LRRC4C: variants seen among roughly 807,000 people sequenced by gnomAD.
The protein encoded by LRRC4C is leucine rich repeat containing 4C.
Under a neutral mutation model 33.6 loss-of-function variants are expected in LRRC4C, and 5 were observed. That is an observed-to-expected ratio of 0.15 (90% CI 0.08 to 0.31). The LOEUF is 0.31. Ranked by LOEUF, LRRC4C falls within the 10% of genes least tolerant of loss-of-function variation. The pLI, the probability that LRRC4C is intolerant of heterozygous loss-of-function variation, is 1.00. For missense variants in LRRC4C, 560 were observed against 796.7 expected, an observed-to-expected ratio of 0.70 and a Z score of 3.58; for synonymous variants, 329 against 302.0, an observed-to-expected ratio of 1.09 and a Z score of -0.93.
intron 3 of LRRC4C, among the ~76,000 whole-genome samples, chr11:40,494,264 A>C (rs960196285): frequency 1.1e-4 from 17 of 152,172 alleles, no homozygotes; most frequent in Admixed American, 1.3e-4. Context: ...GACAGTACTC[A>C]AACTGAAAAA....
intron 1 of LRRC4C, among the ~76,000 whole-genome samples, chr11:40,946,246 G>A (rs1246404466): frequency 6.6e-5 from 10 of 152,110 alleles, no homozygotes; most frequent in South Asian, 4.1e-4. Flanking sequence ...CTGCATTCAC[G>A]TGGCTGCAAA....
At chr11:40,825,640 G>C (rs1952129301) in intron 2 of LRRC4C, among the ~76,000 whole-genome samples, 1 of 151,954 alleles carries the variant, frequency 6.6e-6, no homozygotes, top group African/African-American at 2.4e-5. Context: ...TACATAGCTG[G>C]TTTGGACCTG....
intron 2 of LRRC4C, among the ~76,000 whole-genome samples, chr11:40,903,129 C>T (rs1212228741): frequency 6.6e-6 from 1 of 152,118 alleles, no homozygotes; most frequent in Non-Finnish European, 1.5e-5. Context: ...GCTAATGCAG[C>T]TGGTGTCTCT....
intron 1 of LRRC4C, among the ~76,000 whole-genome samples, chr11:41,357,032 T>G (rs984626604): frequency 6.6e-6 from 1 of 151,960 alleles, no homozygotes; most frequent in African/African-American, 2.4e-5. Context: ...TTGTTTACCT[T>G]GTTTAACCCA....
chr11:41,282,251 C>T (rs1446026823), intron 1 of LRRC4C, among the ~76,000 whole-genome samples: 1 of 152,140 alleles, frequency 6.6e-6, no homozygotes, highest in Non-Finnish European at 1.5e-5. Flanking sequence ...AAGTGGAAAA[C>T]CAGAGTTATT....
chr11:41,245,733 G>A (rs531815914), intron 1 of LRRC4C, among the ~76,000 whole-genome samples: 3 of 152,340 alleles, frequency 2.0e-5, no homozygotes, highest in Admixed American at 6.5e-5. Context: ...CCATTTGGCA[G>A]GTACTGAGTT....
intron 1 of LRRC4C, among the ~76,000 whole-genome samples, chr11:41,284,682 A>C (rs1949769515): frequency 6.6e-6 from 1 of 152,186 alleles, no homozygotes; most frequent in African/African-American, 2.4e-5. Context: ...TCTTACAATC[A>C]ATCAGTCAAT....
At chr11:40,943,021 C>A (rs1329362060) in intron 1 of LRRC4C, among the ~76,000 whole-genome samples, 1 of 152,122 alleles carries the variant, frequency 6.6e-6, no homozygotes, top group Non-Finnish European at 1.5e-5. Context: ...AGACATAAAC[C>A]TACTTTTCTA....
Position 41,411,142 on chromosome 11 carries a change from A to ATTTTTTTTT in LRRC4C, c.-496+48280_-496+48288dup, listed in dbSNP as rs370574515. ...ATGAGAAACACTTGGTTGGTACCCT[A>ATTTTTTTTT]TTTTTTTTTTTTTTTTTTTTTTTTG... On this transcript the variant is annotated intron_variant, in intron 1 of 6. Coordinates refer to ENST00000528697, the MANE Select transcript of LRRC4C (RefSeq NM_001258419.2). Among the ~76,000 whole-genome samples, 89 of 57,226 alleles carry ATTTTTTTTT rather than the reference A, an allele frequency of 1.6e-3. 19 individuals carry two copies. The highest frequency in any genetic ancestry group is 3.7e-3 in the East Asian group (6 of 1,632). 37.5% of individuals were successfully genotyped at this position (57,226 alleles called of 152,430 possible). A position where few individuals can be genotyped will look rare whatever the true frequency, so the allele number is the denominator to read the frequency against.
chr11:40,340,589 G>T (rs1317753478), intron 3 of LRRC4C, among the ~76,000 whole-genome samples: 1 of 152,036 alleles, frequency 6.6e-6, no homozygotes, highest in Non-Finnish European at 1.5e-5. Flanking sequence ...GCTGTGTGCA[G>T]GTACTCTGAC....
intron 2 of LRRC4C, among the ~76,000 whole-genome samples, chr11:40,848,224 G>A (rs555951231): frequency 2.0e-4 from 31 of 151,860 alleles, no homozygotes; most frequent in African/African-American, 6.3e-4. Context: ...TCTCTAGTTC[G>A]TTTAATTGTG....
intron 3 of LRRC4C, among the ~76,000 whole-genome samples, chr11:40,466,591 A>C (rs946454898): frequency 5.3e-5 from 8 of 151,938 alleles, no homozygotes; most frequent in African/African-American, 1.9e-4. Context: ...TTGTATTTAT[A>C]TTATTACCAT....
At chr11:40,531,937 A>G (rs1956288235) in intron 3 of LRRC4C, among the ~76,000 whole-genome samples, 2 of 150,280 alleles carry the variant, frequency 1.3e-5, no homozygotes, top group Non-Finnish European at 3.0e-5. Flanking sequence ...TGATATAGGA[A>G]TGACGTAACT....
At chr11:40,242,974 C>A (rs1012535461) in intron 4 of LRRC4C, among the ~76,000 whole-genome samples, 4 of 152,060 alleles carry the variant, frequency 2.6e-5, no homozygotes, top group Non-Finnish European at 4.4e-5. Flanking sequence ...AAAAAATATT[C>A]TTTGAAGCTC....
chr11:40,232,892 T>G (rs1865303183), intron 5 of LRRC4C, among the ~76,000 whole-genome samples: 1 of 152,216 alleles, frequency 6.6e-6, no homozygotes, highest in African/African-American at 2.4e-5. Flanking sequence ...TCCAAGCCAT[T>G]CTTCACATGA....
At chr11:40,911,316 C>T (rs1389361625) in intron 2 of LRRC4C, among the ~76,000 whole-genome samples, 1 of 152,158 alleles carries the variant, frequency 6.6e-6, no homozygotes, top group Non-Finnish European at 1.5e-5. Context: ...AGACTGACAC[C>T]TCACACAGCC....
intron 3 of LRRC4C, among the ~76,000 whole-genome samples, chr11:40,396,947 T>C (rs1476910043): frequency 6.6e-6 from 1 of 152,126 alleles, no homozygotes; most frequent in African/African-American, 2.4e-5. Flanking sequence ...AAGATGCAGA[T>C]GTTTTTCTTA....
chr11:40,490,145 A>G (rs950707507), intron 3 of LRRC4C, among the ~76,000 whole-genome samples: 17 of 152,224 alleles, frequency 1.1e-4, no homozygotes, highest in Non-Finnish European at 2.5e-4. Context: ...AATAAAATGT[A>G]TAACTAAAAA....
intron 2 of LRRC4C, among the ~76,000 whole-genome samples, chr11:40,895,239 A>G (rs1023637780): frequency 2.0e-5 from 3 of 152,266 alleles, no homozygotes; most frequent in African/African-American, 7.2e-5. Flanking sequence ...TATGTTAGAT[A>G]CCTGGTCAAA....
Sources: allele counts gnomAD v4.1 joint callset (sites outside exome capture counted in the v4.1 genomes callset), GRCh38; gene constraint gnomAD v4.1.1; transcripts MANE v1.5; gene names NCBI Gene and HGNC (gene_info 2026-07-23, HGNC 2026-07-21).